The following CCDC171 variants were observed in gnomAD, a reference collection of about 807,000 sequenced individuals.
The protein encoded by CCDC171 is coiled-coil domain containing 171.
A neutral mutation model predicts 168.2 loss-of-function variants in CCDC171; 177 were observed. That is an observed-to-expected ratio of 1.05 (90% CI 0.93 to 1.19). CCDC171 has a LOEUF of 1.19. CCDC171 is among the 50% of genes most tolerant of loss of function. CCDC171 has a pLI of 0.00. For synonymous variants in CCDC171, 687 were observed against 540.8 expected, an observed-to-expected ratio of 1.27 and a Z score of -3.75; for missense variants, 1,991 against 1,539.0, an observed-to-expected ratio of 1.29 and a Z score of -4.91.
At chr9:15,645,132 G>C (rs1011445876) in intron 7 of CCDC171, among the ~76,000 whole-genome samples, 3 of 152,218 alleles carry the variant, frequency 2.0e-5, no homozygotes, top group Non-Finnish European at 4.4e-5. Context: ...AGGCACACAG[G>C]GTCTGGAGTG....
At chr9:15,899,555 T>C (rs916658160) in intron 24 of CCDC171, among the ~76,000 whole-genome samples, 2 of 152,202 alleles carry the variant, frequency 1.3e-5, no homozygotes, top group Non-Finnish European at 2.9e-5. Context: ...TATCTTACTA[T>C]GGTTTTAAGT....
intron 18 of CCDC171, among the ~76,000 whole-genome samples, chr9:15,760,921 C>A (rs2056407797): frequency 6.6e-6 from 1 of 152,120 alleles, no homozygotes; most frequent in Non-Finnish European, 1.5e-5. Context: ...AATGGTGTGC[C>A]TGCAAGAGAT....
intron 7 of CCDC171, 68 bp downstream of exon 7, chr9:15,623,481 A>ACACACACACC: frequency 2.0e-6 from 1 of 493,988 alleles, no homozygotes. Flanking sequence ...GCGCGCACAC[A>ACACACACACC]CACACACACA....
intron 23 of CCDC171, among the ~76,000 whole-genome samples, chr9:15,854,313 C>T (rs1280491612): frequency 6.6e-6 from 1 of 151,200 alleles, no homozygotes; most frequent in Non-Finnish European, 1.5e-5. Flanking sequence ...CTTTTTCAGT[C>T]AGTGTTGGTA....
intron 20 of CCDC171, among the ~76,000 whole-genome samples, chr9:15,780,986 AT>A (rs2057636765): frequency 6.6e-6 from 1 of 152,138 alleles, no homozygotes; most frequent in South Asian, 2.1e-4. Context: ...AAATAGTTGA[AT>A]TTGGGATATT....
intron 23 of CCDC171, among the ~76,000 whole-genome samples, chr9:15,867,807 A>T (rs2061854881): frequency 6.6e-6 from 1 of 152,224 alleles, no homozygotes; most frequent in African/African-American, 2.4e-5. Flanking sequence ...GAATGAAAAT[A>T]TATCTGTGTG....
intron 9 of CCDC171, among the ~76,000 whole-genome samples, chr9:15,676,657 T>G (rs1261817183): frequency 6.6e-6 from 1 of 152,188 alleles, no homozygotes; most frequent in Non-Finnish European, 1.5e-5. Flanking sequence ...ATCTTGTGCC[T>G]TATTCTTTAT....
At chr9:15,556,622 T>C (rs1285198340) in intron 1 of CCDC171, among the ~76,000 whole-genome samples, 1 of 152,136 alleles carries the variant, frequency 6.6e-6, no homozygotes, top group Non-Finnish European at 1.5e-5. Context: ...TTAAGTTCTT[T>C]GTAGATTCTG....
chr9:15,780,560 A>G (rs2135433600), intron 20 of CCDC171, among the ~76,000 whole-genome samples: 1 of 152,270 alleles, frequency 6.6e-6, no homozygotes, highest in Non-Finnish European at 1.5e-5. Context: ...GAAAGTTAAA[A>G]TCATTTTAAT....
At chr9:15,888,321 A>AAAAC (rs139051175) in intron 24 of CCDC171, among the ~76,000 whole-genome samples, 3,129 of 152,254 alleles carry the variant, frequency 0.021, 109 homozygotes, top group African/African-American at 0.072. Flanking sequence ...TGACCTGTTA[A>AAAAC]ACATGTGCCT....
At chr9:16,080,804 G>T in the CCDC171 span, among the ~76,000 whole-genome samples, 1 of 152,098 alleles carries the variant, frequency 6.6e-6, no homozygotes, top group Non-Finnish European at 1.5e-5. Flanking sequence ...TCCATGGTGG[G>T]TGACTTCTGT....
chr9:15,887,454 C>G (rs1291455432), intron 24 of CCDC171, among the ~76,000 whole-genome samples: 2 of 151,994 alleles, frequency 1.3e-5, no homozygotes, highest in Non-Finnish European at 2.9e-5. Flanking sequence ...GGAAGACTAA[C>G]TTAAGAAGTA....
chr9:16,100,447 C>T, the CCDC171 span, among the ~76,000 whole-genome samples: 20 of 152,212 alleles, frequency 1.3e-4, no homozygotes, highest in African/African-American at 4.6e-4. Context: ...AGGTATTTTG[C>T]CTGAGAAAGG....
chr9:15,881,992 A>C (rs1818716248), intron 24 of CCDC171, among the ~76,000 whole-genome samples: 1 of 152,050 alleles, frequency 6.6e-6, no homozygotes, highest in Non-Finnish European at 1.5e-5. Context: ...TGGTAGTTCT[A>C]TTTTTAGTTT....
intron 9 of CCDC171, among the ~76,000 whole-genome samples, chr9:15,676,688 G>C (rs1483229539): frequency 6.6e-6 from 1 of 152,082 alleles, no homozygotes; most frequent in Non-Finnish European, 1.5e-5. Flanking sequence ...CCATTGGAAA[G>C]TAGCTATTTG....
intron 25 of CCDC171, among the ~76,000 whole-genome samples, chr9:15,963,242 T>A (rs1324529896): frequency 6.6e-6 from 1 of 152,126 alleles, no homozygotes; most frequent in Non-Finnish European, 1.5e-5. Context: ...AATGATGGGT[T>A]ACTGGGTGCA....
intron 7 of CCDC171, among the ~76,000 whole-genome samples, chr9:15,655,686 A>G (rs1009663331): frequency 2.0e-5 from 3 of 152,248 alleles, no homozygotes; most frequent in Non-Finnish European, 2.9e-5. Flanking sequence ...TTCAGATTGT[A>G]TAATGAACTT....
intron 1 of CCDC171, among the ~76,000 whole-genome samples, chr9:16,053,358 C>T (rs1370598418): frequency 1.3e-5 from 2 of 152,188 alleles, no homozygotes; most frequent in East Asian, 3.9e-4. Context: ...GGCAGCCTCG[C>T]CTGAGTTTTT....
chr9:15,952,767 T>C (rs977895396), intron 25 of CCDC171, among the ~76,000 whole-genome samples: 1 of 152,178 alleles, frequency 6.6e-6, no homozygotes, highest in African/African-American at 2.4e-5. Context: ...GTAGATTGCC[T>C]TGAGTGGTAT....
Sources: allele counts gnomAD v4.1 joint callset (sites outside exome capture counted in the v4.1 genomes callset), GRCh38; gene constraint gnomAD v4.1.1; transcripts MANE v1.5; gene names NCBI Gene and HGNC (gene_info 2026-07-23, HGNC 2026-07-21).